Variants in ACVR2A observed in about 807,000 individuals in gnomAD.
ACVR2A encodes activin receptor type-2A.
Under a neutral mutation model 61.4 loss-of-function variants are expected in ACVR2A, and 7 were observed. The ratio of observed to expected loss-of-function variants is 0.11; its 90% CI spans 0.06 to 0.21. The LOEUF is 0.21. ACVR2A is among the 10% of genes least tolerant of loss of function. The pLI is 1.00. For synonymous variants in ACVR2A, 193 were observed against 208.3 expected (o/e 0.93, Z 0.63); for missense variants, 322 against 621.7 (o/e 0.52, Z 5.13).
At chr2:147,876,462 C>CATATGCCTCAAGGTTGAGGT (rs992869884) in intron 1 of ACVR2A, among the ~76,000 whole-genome samples, 14 of 151,898 alleles carry the variant, frequency 9.2e-5, no homozygotes, top group African/African-American at 2.7e-4. Flanking sequence ...TGCCTTGAGG[C>CATATGCCTCAAGGTTGAGGT]ATATGCCTCA....
At chr2:147,891,543 T>A (rs963042265) in intron 1 of ACVR2A, among the ~76,000 whole-genome samples, 2 of 151,524 alleles carry the variant, frequency 1.3e-5, no homozygotes, top group Non-Finnish European at 2.9e-5. Flanking sequence ...AAAAAAAGAA[T>A]AGTATTTTGT....
chr2:147,926,913 G>A (rs1321107097), intron 10 of ACVR2A, among the ~76,000 whole-genome samples, 167 bp from the exon 11 acceptor site: 6 of 151,528 alleles, frequency 4.0e-5, no homozygotes, highest in Non-Finnish European at 8.8e-5. Flanking sequence ...AAAAAGTTCT[G>A]TTTGTGCTTT....
intron 1 of ACVR2A, among the ~76,000 whole-genome samples, chr2:147,859,173 C>G (rs775062546): frequency 6.6e-6 from 1 of 152,124 alleles, no homozygotes; most frequent in Non-Finnish European, 1.5e-5. Context: ...CCAAGAATAA[C>G]TCTGTCTCTG....
At chr2:147,876,646 T>C (rs969035784) in intron 1 of ACVR2A, among the ~76,000 whole-genome samples, 14 of 152,228 alleles carry the variant, frequency 9.2e-5, no homozygotes, top group Non-Finnish European at 1.8e-4. Flanking sequence ...TAAGTTCCTC[T>C]TGCGCTTTCA....
intron 1 of ACVR2A, among the ~76,000 whole-genome samples, chr2:147,857,211 C>G (rs1198688603): frequency 6.6e-6 from 1 of 152,088 alleles, no homozygotes; most frequent in Non-Finnish European, 1.5e-5. Context: ...GTAGTTTTGA[C>G]TTTTTACCTG....
At chr2:147,868,235 C>T (rs772942771) in intron 1 of ACVR2A, among the ~76,000 whole-genome samples, 15 of 152,098 alleles carry the variant, frequency 9.9e-5, no homozygotes, top group Non-Finnish European at 1.5e-4. Context: ...ACCAAGTTCC[C>T]TTTGATGGGG....
chr2:147,919,812 A>G (rs1451736227), intron 7 of ACVR2A, among the ~76,000 whole-genome samples: 2 of 152,154 alleles, frequency 1.3e-5, no homozygotes, highest in African/African-American at 4.8e-5. Flanking sequence ...GTAGGTCTCT[A>G]CCAATAAGCA....
intron 1 of ACVR2A, among the ~76,000 whole-genome samples, chr2:147,853,405 A>G (rs186452740): frequency 6.6e-6 from 1 of 152,200 alleles, no homozygotes; most frequent in African/African-American, 2.4e-5. Context: ...CATCCAGATT[A>G]TATTCTTTGA....
chr2:147,885,402 A>G (rs953742931), intron 1 of ACVR2A, among the ~76,000 whole-genome samples: 1 of 152,128 alleles, frequency 6.6e-6, no homozygotes, highest in Admixed American at 6.5e-5. Context: ...GGGAATAGAT[A>G]AAAGGGTATA....
chr2:147,879,021 G>T (rs1000905541), intron 1 of ACVR2A, among the ~76,000 whole-genome samples: 11 of 152,104 alleles, frequency 7.2e-5, no homozygotes, highest in African/African-American at 2.4e-4. Context: ...ATAGTTTCTT[G>T]GGAGTAGACC....
intron 2 of ACVR2A, among the ~76,000 whole-genome samples, chr2:147,897,833 A>G (rs1303794655): frequency 1.3e-5 from 2 of 152,262 alleles, no homozygotes; most frequent in Non-Finnish European, 1.5e-5. Flanking sequence ...GTACTTATAT[A>G]TTTTAGCTGC....
chr2:147,929,885 C>T lies in ACVR2A; in HGVS notation c.*2611C>T, dbSNP rs1484414219. On this transcript the variant is annotated 3_prime_UTR_variant, in exon 11 of 11. Coordinates refer to ENST00000241416, the MANE Select transcript of ACVR2A (RefSeq NM_001616.5). The stretch of plus-strand genomic sequence containing the variant: ...CCCATCAGAACTGCTGCTGCTCTAA[C>T]TTATACTCTTTACCTTGCCCAGATC... The T allele has an allele frequency of 6.6e-6, 1 of 152,442 alleles. No homozygotes were observed. The highest frequency in any genetic ancestry group is 2.4e-5 in the African/African-American group (1 of 41,406). 9.4% of individuals were successfully genotyped at this position (152,442 alleles called of 1,614,324 possible).
At chr2:147,896,705 A>G (rs1686741005) in intron 2 of ACVR2A, 197 bp downstream of exon 2, 1 of 539,474 alleles carries the variant, frequency 1.9e-6, no homozygotes, top group Admixed American at 3.1e-5. Flanking sequence ...TATATGTTTT[A>G]TCTTTGATAT....
At chr2:147,854,658 A>G (rs996794274) in intron 1 of ACVR2A, among the ~76,000 whole-genome samples, 2 of 152,202 alleles carry the variant, frequency 1.3e-5, no homozygotes, top group Non-Finnish European at 2.9e-5. Context: ...TAACAAATCA[A>G]TATTGAACTA....
rs572875982 is a variant in ACVR2A, at chr2:147,857,204, G to A, written c.55+11997G>A. Among the ~76,000 whole-genome samples, 301 of 152,228 alleles carry A rather than the reference G, an allele frequency of 2.0e-3. 2 individuals carry two copies. The highest frequency in any genetic ancestry group is 3.3e-3 in the Non-Finnish European group (224 of 67,988). ...TTTCCTTTTGAATCATTGAAGAGTA[G>A]TTTTGACTTTTTACCTGCAGATCTT... On this transcript the variant is annotated intron_variant, in intron 1 of 10. Transcript: ENST00000241416.
intron 1 of ACVR2A, among the ~76,000 whole-genome samples, chr2:147,854,398 A>G (rs1685519592): frequency 6.6e-6 from 1 of 152,202 alleles, no homozygotes; most frequent in Non-Finnish European, 1.5e-5. Flanking sequence ...TAGTAGAAGT[A>G]AAGTTTTGAA....
rs934720302 is a variant in ACVR2A, at chr2:147,930,306, C to G, written c.*3032C>G. The G allele has an allele frequency of 4.6e-5, 7 of 151,290 alleles. No individual in the cohort carries two copies. The South Asian group carries it at 1.5e-3, about 32-fold the overall frequency. 9.4% of individuals were successfully genotyped at this position (151,290 alleles called of 1,614,324 possible). On this transcript the variant is annotated 3_prime_UTR_variant, in exon 11 of 11. Coordinates refer to ENST00000241416, the MANE Select transcript of ACVR2A (RefSeq NM_001616.5). ...AATGCAGGTGGTAGGGGAAAAAAAA[C>G]CATGGCGAGATGGTGGTTTAGTGGA...
chr2:147,847,445 A>G (rs967566822), intron 1 of ACVR2A, among the ~76,000 whole-genome samples: 6 of 152,128 alleles, frequency 3.9e-5, no homozygotes, highest in Non-Finnish European at 5.9e-5. Context: ...TGAGGTGACT[A>G]TTTTTATGAG....
At chr2:147,853,768 T>G (rs1044218492) in intron 1 of ACVR2A, among the ~76,000 whole-genome samples, 16 of 152,074 alleles carry the variant, frequency 1.1e-4, no homozygotes, top group African/African-American at 3.9e-4. Context: ...TTCGTAGTTA[T>G]GATTATTAAC....
Sources: allele counts gnomAD v4.1 joint callset (sites outside exome capture counted in the v4.1 genomes callset), GRCh38; gene constraint gnomAD v4.1.1; transcripts MANE v1.5; gene names NCBI Gene and HGNC (gene_info 2026-07-23, HGNC 2026-07-21).